Variants in GALNT13 observed in about 807,000 individuals in gnomAD.
GALNT13 encodes UDP-GalNAc:polypeptide N-acetylgalactosaminyltransferase 13.
A neutral mutation model predicts 64.2 loss-of-function variants in GALNT13; 28 were observed. The observed-to-expected ratio is 0.44, with a 90% CI of 0.32 to 0.60. The LOEUF (loss-of-function observed/expected upper bound fraction) is 0.60. Ranked by LOEUF, GALNT13 falls within the 20% of genes least tolerant of loss-of-function variation. GALNT13 has a pLI of 0.05. For synonymous variants in GALNT13, 214 were observed against 224.6 expected (o/e 0.95, Z 0.42); for missense variants, 577 against 669.8 (o/e 0.86, Z 1.53).
intron 9 of GALNT13, among the ~76,000 whole-genome samples, chr2:154,385,351 C>T (rs1021990895): frequency 4.0e-5 from 6 of 151,836 alleles, no homozygotes; most frequent in African/African-American, 7.3e-5. Context: ...GAATTTGCAA[C>T]GTGAGTCCTA....
intron 9 of GALNT13, among the ~76,000 whole-genome samples, chr2:154,325,036 A>G (rs921173063): frequency 6.6e-6 from 1 of 152,036 alleles, no homozygotes; most frequent in Non-Finnish European, 1.5e-5. Context: ...CTCTGCATGC[A>G]GTGGCACTGT....
chr2:153,708,765 A>T, the GALNT13 span, among the ~76,000 whole-genome samples: 1 of 152,174 alleles, frequency 6.6e-6, no homozygotes, highest in Non-Finnish European at 1.5e-5. Context: ...AGTAATTAAA[A>T]CAGCATGGTA....
the GALNT13 span, among the ~76,000 whole-genome samples, chr2:153,381,336 C>T: frequency 2.0e-5 from 3 of 151,982 alleles, no homozygotes; most frequent in African/African-American, 4.8e-5. Context: ...CATGGCTGTG[C>T]CTAATTTTAA....
chr2:154,047,114 ATAT>A (rs1476397458), intron 3 of GALNT13, among the ~76,000 whole-genome samples: 1 of 152,250 alleles, frequency 6.6e-6, no homozygotes, highest in East Asian at 1.9e-4. Flanking sequence ...TACACTTGTA[ATAT>A]TATACCAAAA....
intron 1 of GALNT13, among the ~76,000 whole-genome samples, chr2:153,880,839 G>T (rs1055136667): frequency 6.6e-6 from 1 of 151,334 alleles, no homozygotes; most frequent in Non-Finnish European, 1.5e-5. Context: ...CTTGTTCTTT[G>T]TTCTTCTTTC....
the GALNT13 span, among the ~76,000 whole-genome samples, chr2:153,176,732 G>A: frequency 1.4e-5 from 2 of 147,276 alleles, no homozygotes; most frequent in Non-Finnish European, 3.0e-5. Flanking sequence ...ATCTCAACCT[G>A]CAGATTCAAG....
At chr2:153,398,753 C>A in the GALNT13 span, among the ~76,000 whole-genome samples, 2 of 144,052 alleles carry the variant, frequency 1.4e-5, no homozygotes, top group African/African-American at 5.2e-5. Flanking sequence ...GTCCTTCGCC[C>A]ACTTTTTGAT....
At chr2:153,741,402 G>C in the GALNT13 span, among the ~76,000 whole-genome samples, 3 of 151,048 alleles carry the variant, frequency 2.0e-5, no homozygotes, top group South Asian at 4.2e-4. Context: ...TTCTTCAATC[G>C]CTCTTATTAA....
the GALNT13 span, among the ~76,000 whole-genome samples, chr2:153,846,874 C>A: frequency 2.0e-5 from 3 of 151,880 alleles, no homozygotes; most frequent in Admixed American, 2.0e-4. Context: ...TACAACATAG[C>A]CTAAAGGAGA....
the GALNT13 span, among the ~76,000 whole-genome samples, chr2:153,730,200 A>G: frequency 6.6e-6 from 1 of 152,040 alleles, no homozygotes; most frequent in Non-Finnish European, 1.5e-5. Context: ...TTATACTACA[A>G]GACTATAGTA....
At chr2:153,190,997 A>G in the GALNT13 span, among the ~76,000 whole-genome samples, 1 of 151,966 alleles carries the variant, frequency 6.6e-6, no homozygotes, top group Admixed American at 6.6e-5. Context: ...TTTTCTAATT[A>G]TAAGATTATG....
chr2:154,186,437 A>C (rs944163868), intron 4 of GALNT13, among the ~76,000 whole-genome samples: 1 of 152,102 alleles, frequency 6.6e-6, no homozygotes, highest in Non-Finnish European at 1.5e-5. Context: ...CAAAAGGTAC[A>C]TGTTGTTGCT....
the GALNT13 span, among the ~76,000 whole-genome samples, chr2:153,082,606 TATATATATATATACACACACACACAC>T: frequency 4.9e-4 from 22 of 44,786 alleles, no homozygotes; most frequent in Non-Finnish European, 7.6e-4. Flanking sequence ...TATATATATA[TATATATATATATACACACACACACAC>T]ACACACACAC....
intron 3 of GALNT13, among the ~76,000 whole-genome samples, chr2:154,080,227 T>C (rs1231575933): frequency 6.6e-6 from 1 of 151,622 alleles, no homozygotes; most frequent in African/African-American, 2.4e-5. Flanking sequence ...AAAAATTCAC[T>C]AGCCATGAGC....
chr2:153,656,036 C>G, the GALNT13 span, among the ~76,000 whole-genome samples: 2 of 151,962 alleles, frequency 1.3e-5, no homozygotes, highest in East Asian at 3.9e-4. Flanking sequence ...CTTTGTTATG[C>G]AAACTGTGAA....
chr2:154,125,416 A>G lies in GALNT13; in HGVS notation c.143-14921A>G, dbSNP rs147646788. Among the ~76,000 whole-genome samples the G allele has an allele frequency of 5.0e-3, 768 of 152,326 alleles. 5 individuals are homozygous for G. The highest frequency in any genetic ancestry group is 0.018 in the African/African-American group (747 of 41,566). On this transcript the variant is annotated intron_variant, in intron 3 of 12. Coordinates refer to ENST00000392825, the MANE Select transcript of GALNT13 (RefSeq NM_052917.4). ...AATAGAGGCAGGCAAATAGTAGTCA[A>G]CAAATACTTGTTGAATTGAATTGAT...
the GALNT13 span, among the ~76,000 whole-genome samples, chr2:153,790,613 A>G: frequency 1.6e-4 from 24 of 152,320 alleles, no homozygotes; most frequent in African/African-American, 5.3e-4. Context: ...GCAATCAGGC[A>G]AGAGGAAGAA....
chr2:153,237,882 T>C, the GALNT13 span, among the ~76,000 whole-genome samples: 2 of 152,140 alleles, frequency 1.3e-5, no homozygotes, highest in East Asian at 1.9e-4. Flanking sequence ...ATGGTAGTTC[T>C]ATTTTTAATT....
chr2:153,791,955 A>G, the GALNT13 span, among the ~76,000 whole-genome samples: 1 of 152,136 alleles, frequency 6.6e-6, no homozygotes. Flanking sequence ...AAAAATAGCT[A>G]TTGAGTATTA....
Sources: gnomAD v4.1 joint callset for allele counts (sites outside exome capture counted in the v4.1 genomes callset) on GRCh38, gnomAD v4.1.1 for gene constraint, MANE v1.5 for transcripts, NCBI Gene and HGNC (gene_info 2026-07-23, HGNC 2026-07-21) for gene names.